Variants in OLFML2B observed in about 807,000 individuals in gnomAD.
OLFML2B encodes olfactomedin-like protein 2B.
OLFML2B carries 57 observed loss-of-function variants against 74.9 expected under a neutral mutation model. That is an observed-to-expected ratio of 0.76 (90% CI 0.61 to 0.95). The LOEUF is 0.95. Among genes scored for constraint, OLFML2B ranks in the 40% least tolerant of loss-of-function variants. The pLI is 0.00. For synonymous variants in OLFML2B, 388 were observed against 405.8 expected (o/e 0.96, Z 0.53); for missense variants, 986 against 970.6 (o/e 1.02, Z -0.21).
intron 4 of OLFML2B, among the ~76,000 whole-genome samples, chr1:162,005,908 A>T (rs1367953872): frequency 5.0e-5 from 6 of 120,652 alleles, no homozygotes; most frequent in African/African-American, 2.4e-4. Flanking sequence ...CTATCAAAAA[A>T]AAAAAAAAAA....
At chr1:162,003,696 A>C (rs1290658889) in intron 4 of OLFML2B, among the ~76,000 whole-genome samples, 1 of 152,036 alleles carries the variant, frequency 6.6e-6, no homozygotes, top group African/African-American at 2.4e-5. Context: ...CCAGAGCCCC[A>C]TGCCAACCCC....
chr1:162,012,208 G>A (rs961749924), intron 3 of OLFML2B, among the ~76,000 whole-genome samples: 9 of 152,294 alleles, frequency 5.9e-5, no homozygotes, highest in Admixed American at 2.6e-4. Context: ...GATTTGATCA[G>A]GAGAGTGAGC....
chr1:162,002,121 T>C (rs1690096157), intron 4 of OLFML2B, among the ~76,000 whole-genome samples: 1 of 152,228 alleles, frequency 6.6e-6, no homozygotes. Flanking sequence ...CAAAGGACCT[T>C]GGGCATACAA....
intron 7 of OLFML2B, among the ~76,000 whole-genome samples, chr1:161,984,518 T>C (rs907957563): frequency 1.2e-4 from 18 of 152,178 alleles, no homozygotes; most frequent in African/African-American, 4.1e-4. Context: ...CTAATATACA[T>C]GAATGTGGTT....
chr1:161,998,688 G>C (rs1689999864), intron 5 of OLFML2B, among the ~76,000 whole-genome samples: 1 of 152,126 alleles, frequency 6.6e-6, no homozygotes, highest in African/African-American at 2.4e-5. Context: ...TATGGAGTAT[G>C]GATAACAACA....
intron 1 of OLFML2B, among the ~76,000 whole-genome samples, chr1:162,022,728 C>T (rs948352970): frequency 6.6e-6 from 1 of 152,110 alleles, no homozygotes; most frequent in African/African-American, 2.4e-5. Context: ...TGCATTCCCA[C>T]TCTCCCCTCC....
intron 3 of OLFML2B, among the ~76,000 whole-genome samples, chr1:162,009,187 C>T (rs1317457864): frequency 7.1e-6 from 1 of 140,774 alleles, no homozygotes; most frequent in African/African-American, 2.8e-5. Flanking sequence ...GTGAAAAGTG[C>T]TCTGCAGAAA....
At position 162,023,538 on chromosome 1, in the gene OLFML2B, T is replaced by A. The variant is rs1372989498; in HGVS notation, c.-108A>T. On this transcript the variant is annotated 5_prime_UTR_variant, in exon 1 of 8. Transcript: ENST00000294794. ...GTCCTCGCTAGAGCCCGAAAGTGGC[T>A]GCTGAGAGCACCTTCTAAAGCTGGG... 2.2e-5 allele frequency: 25 copies of A among 1,160,902 alleles called. No individual in the cohort carries two copies. In the East Asian group the frequency reaches 7.1e-4, roughly 33 times the overall value. 71.9% of individuals were successfully genotyped at this position (1,160,902 alleles called of 1,614,324 possible).
chr1:161,997,207 A>C (rs1254974861), intron 6 of OLFML2B, among the ~76,000 whole-genome samples: 1 of 152,184 alleles, frequency 6.6e-6, no homozygotes, highest in Non-Finnish European at 1.5e-5. Flanking sequence ...TCCCAGCTCA[A>C]ATGACACCTC....
chr1:162,007,024 T>C (rs12119347), intron 3 of OLFML2B, among the ~76,000 whole-genome samples: 15,072 of 152,260 alleles, frequency 0.099, 782 homozygotes, highest in East Asian at 0.2. Flanking sequence ...CATAGAAAAT[T>C]GATAGGCTGG....
chr1:162,003,816 C>T (rs1690146043), intron 4 of OLFML2B, among the ~76,000 whole-genome samples: 1 of 152,110 alleles, frequency 6.6e-6, no homozygotes, highest in Admixed American at 6.5e-5. Context: ...CTAAACCCAG[C>T]GCCCCTTCCA....
chr1:162,008,052 C>A (rs937682457), intron 3 of OLFML2B, among the ~76,000 whole-genome samples: 1 of 152,106 alleles, frequency 6.6e-6, no homozygotes, highest in Non-Finnish European at 1.5e-5. Flanking sequence ...TCTATCAGGC[C>A]GTCAAGTGTA....
chr1:161,985,147 A>T, intron 6 of OLFML2B, 167 bp from the exon 7 acceptor site: 1 of 599,710 alleles, frequency 1.7e-6, no homozygotes, highest in Non-Finnish European at 2.8e-6. Flanking sequence ...TACTCCCCTG[A>T]TCCACCCTAC....
Position 162,023,374 on chromosome 1 carries a change from C to T in OLFML2B, c.57G>A (p.Trp19Ter). 6 of 1,604,600 alleles carry T rather than the reference C, an allele frequency of 3.7e-6. No individual in the cohort carries two copies. Among genetic ancestry groups the T allele is most frequent in the Non-Finnish European group, 5.1e-6 (6 of 1,174,400 alleles). Residue 19 changes from tryptophan (W) to a stop codon, truncating the protein, a stop_gained, in exon 1 of 8, where the codon TGG (tryptophan) becomes TGA (stop). Coordinates refer to ENST00000294794, the MANE Select transcript of OLFML2B (RefSeq NM_015441.3). LOFTEE classifies it high-confidence loss of function. ...LYFALIVVPA[W>*]VSSIVLTGTS... ...TCCCTGTGAGGACAATGCTGGACAC[C>T]CAGGCCGGAACCACAATCAGAGCGA... is the stretch of plus-strand genomic sequence containing the variant.
intron 6 of OLFML2B, among the ~76,000 whole-genome samples, chr1:161,992,247 A>G (rs1280863501): frequency 6.6e-6 from 1 of 152,264 alleles, no homozygotes; most frequent in Non-Finnish European, 1.5e-5. Flanking sequence ...TTTTTTCTGC[A>G]GCTTCTTCAC....
rs765764923 is a variant in OLFML2B, at chr1:161,998,332, C to T, written c.967G>A (p.Gly323Ser). ...IEEQQDEFFS[G>S]DNGVDLLIED... ...ATCAGCAAATCCACTCCATTGTCAC[C>T]GCTGAAAAACTCATCTTCTGTGAAA... is the stretch of plus-strand genomic sequence containing the variant. The change falls in exon 6 of 8, where the codon GGT becomes AGT. Residue 323 changes from glycine to serine, a missense_variant. By Grantham distance (56) the Gly-to-Ser change is moderately conservative. Transcript: ENST00000294794. 25 of 1,554,060 alleles carry T rather than the reference C, an allele frequency of 1.6e-5. No individual in the cohort carries two copies. The highest frequency in any genetic ancestry group is 3.5e-4 in the Middle Eastern group (2 of 5,778).
chr1:162,003,385 G>A (rs1258963575), intron 4 of OLFML2B, among the ~76,000 whole-genome samples: 4 of 152,166 alleles, frequency 2.6e-5, no homozygotes, highest in African/African-American at 7.2e-5. Flanking sequence ...TTTCTTCGCC[G>A]CAAACCCCAG....
intron 6 of OLFML2B, 166 bp from the exon 7 acceptor site, chr1:161,985,146 G>C: frequency 1.6e-6 from 1 of 607,868 alleles, no homozygotes; most frequent in Non-Finnish European, 2.8e-6. Context: ...CTACTCCCCT[G>C]ATCCACCCTA....
rs774895563 is a variant in OLFML2B at position 161,983,828 on chromosome 1, G to A, written c.2100C>T (p.Phe700=). ...NQRNANISYA[F]DTHTNTQIVP... ...CGATCTGTGTGTTGGTGTGGGTGTC[G>A]AAAGCGTAGGAGATGTTGGCATTCC... Residue 700 remains phenylalanine, a synonymous_variant, in exon 8 of 8, where the codon TTC becomes TTT. Transcript: ENST00000294794. The A allele has an allele frequency of 1.1e-5, 18 of 1,614,034 alleles. No homozygotes were observed. Among genetic ancestry groups the A allele is most frequent in the Non-Finnish European group, 1.4e-5 (17 of 1,180,028 alleles).
Sources: gnomAD v4.1 joint callset for allele counts (sites outside exome capture counted in the v4.1 genomes callset) on GRCh38, gnomAD v4.1.1 for gene constraint, MANE v1.5 for transcripts, NCBI Gene and HGNC (gene_info 2026-07-23, HGNC 2026-07-21) for gene names.